Variants in HRNR observed in about 807,000 individuals in gnomAD.
The protein encoded by HRNR is hornerin.
Under a neutral mutation model 4.8 loss-of-function variants are expected in HRNR, and 7 were observed. That is an observed-to-expected ratio of 1.47 (90% confidence interval 0.83 to 2.75). The LOEUF (loss-of-function observed/expected upper bound fraction) is 2.75. HRNR is among the 30% of genes most tolerant of loss of function. The pLI, the probability that HRNR is intolerant of heterozygous loss-of-function variation, is 0.00. For synonymous variants in HRNR, 1,023 were observed against 1,242.7 expected, an observed-to-expected ratio of 0.82 and a Z score of 3.72; for missense variants, 2,879 against 3,010.4, an observed-to-expected ratio of 0.96 and a Z score of 1.02.
At position 152,219,016 on chromosome 1, in the gene HRNR, C is replaced by G. The variant is rs866858982; in HGVS notation, c.2613G>C (p.Glu871Asp). The G allele has an allele frequency of 1.2e-5, 20 of 1,613,786 alleles. No individual in the cohort carries two copies. Among genetic ancestry groups the G allele is most frequent in the Admixed American group, 1.7e-5 (1 of 59,986 alleles). ...GGCCCGAAGCGTGATGGGAGGCAGA[C>G]TCATGCTGACCATAGCTGGAAGATT... ...SGQSSSYGQH[E>D]SASHHASGRG... The change falls in exon 3 of 3, where the codon GAG becomes GAC. Residue 871 changes from glutamate to aspartate, a missense_variant. Physicochemically the swap from Glu to Asp is conservative, Grantham distance 45. Around this residue, in one of 8 missense-constraint regions of HRNR, gnomAD observed 2,646 missense variants for 1,377.7 expected, o/e 1.92. Transcript: ENST00000368801.
Position 152,218,968 on chromosome 1 carries a change from A to G in HRNR, c.2661T>C (p.Ser887=). 6.2e-7 allele frequency: 1 copy of G among 1,608,562 alleles called. No homozygotes were observed. The highest frequency in any genetic ancestry group is 1.2e-5 in the South Asian group (1 of 86,068). The change falls in exon 3 of 3, where the codon TCT becomes TCC. Residue 887 remains serine, a synonymous_variant. Coordinates refer to ENST00000368801, the MANE Select transcript of HRNR (RefSeq NM_001009931.3). ...ASGRGRHGSG[S]GQSPGHGQRG... Reference sequence around the variant, plus strand: ...GCTGGCCGTGGCCTGGAGACTGGCCAGATCCAGAGCCATGTCGGCCGCGGC... The same window carrying G: ...GCTGGCCGTGGCCTGGAGACTGGCCGGATCCAGAGCCATGTCGGCCGCGGC...
Position 152,220,261 on chromosome 1 carries a change from C to T in HRNR, c.1368G>A (p.Val456=). The change falls in exon 3 of 3, where the codon GTG becomes GTA. Residue 456 remains valine (V), a synonymous_variant. Coordinates refer to ENST00000368801, the MANE Select transcript of HRNR (RefSeq NM_001009931.3). The stretch of plus-strand genomic sequence containing the variant: ...AGCCAGAAGAGTAGCCTGAACCAGA[C>T]ACATATGGGCCACTGCTGGAAGATC... ...FGRSSSSGPY[V]SGSGYSSGFG... is the part of the protein sequence containing the mutation. The T allele has an allele frequency of 6.2e-7, 1 of 1,613,926 alleles. No homozygotes were observed. Among genetic ancestry groups the T allele is most frequent in the Non-Finnish European group, 8.5e-7 (1 of 1,179,958 alleles).
intron 1 of HRNR, 78 bp downstream of exon 1, chr1:152,224,065 T>C (rs1464209183): frequency 6.6e-6 from 1 of 152,180 alleles, no homozygotes; most frequent in African/African-American, 2.4e-5. Context: ...CTAGTGCCTC[T>C]TTGCCTTAGA....
chr1:152,222,245 T>C (rs1649025758), intron 2 of HRNR, among the ~76,000 whole-genome samples: 1 of 152,130 alleles, frequency 6.6e-6, no homozygotes, highest in African/African-American at 2.4e-5. Flanking sequence ...GATTGCTAGA[T>C]TTAGAGTTTG....
In HRNR at chr1:152,219,808, G is replaced by A. The variant is rs776175175; in HGVS notation, c.1821C>T (p.Ser607=). 10 of 1,612,044 alleles carry A rather than the reference G, an allele frequency of 6.2e-6. No homozygotes were observed. The highest frequency in any genetic ancestry group is 2.2e-5 in the East Asian group (1 of 44,718). ...YGQHGSSSGH[S]STHGQHGSTS... ...TAGAACCATGTTGCCCATGGGTAGA[G>A]GAATGACCCGAGCTAGATCCGTGTT... The change falls in exon 3 of 3, where the codon TCC becomes TCT. Residue 607 remains serine (S), a synonymous_variant. Transcript: ENST00000368801.
rs748709052 is a variant in HRNR at position 152,219,555 on chromosome 1, C to T, written c.2074G>A (p.Gly692Arg). 3 of 1,613,724 alleles carry T rather than the reference C, an allele frequency of 1.9e-6. No individual in the cohort carries two copies. Among genetic ancestry groups the T allele is most frequent in the Admixed American group, 3.3e-5 (2 of 59,978 alleles). Residue 692 changes from glycine (G) to arginine (R), a missense_variant, in exon 3 of 3, where the codon GGG becomes AGG. This residue lies in a region of HRNR where 2,646 missense variants were observed against 1,377.7 expected (regional missense o/e 1.92). Coordinates refer to ENST00000368801, the MANE Select transcript of HRNR (RefSeq NM_001009931.3). Reference sequence around the variant, plus strand: ...CCGGAAGACTGGCCTGAGACAGACCCATGTGGGCCATTGCTTGAAGACCAA... The same window carrying T: ...CCGGAAGACTGGCCTGAGACAGACCTATGTGGGCCATTGCTTGAAGACCAA... ...SGWSSSNGPH[G>R]SVSGQSSGFG...
rs371336025 is a variant in HRNR at position 152,218,519 on chromosome 1, C to T, written c.3110G>A (p.Arg1037His). Reference protein sequence around the residue: ...YRSGSGWSSSRGPYESGSGHS... With the variant: ...YRSGSGWSSSHGPYESGSGHS... ...ACCGGAGCCAGACTCATATGGGCCACGGCTTGAAGACCACCCTGAGCCAGA... is the reference window on the plus strand; with the variant it reads ...ACCGGAGCCAGACTCATATGGGCCATGGCTTGAAGACCACCCTGAGCCAGA... Residue 1037 changes from arginine (R) to histidine (H), a missense_variant, in exon 3 of 3, where the codon CGT (arginine) becomes CAT (histidine). Around this residue, in one of 8 missense-constraint regions of HRNR, gnomAD observed 2,646 missense variants for 1,377.7 expected, o/e 1.92. Coordinates refer to ENST00000368801, the MANE Select transcript of HRNR (RefSeq NM_001009931.3). The T allele has an allele frequency of 9.7e-5, 157 of 1,613,438 alleles. 1 individual carries two copies. The highest frequency in any genetic ancestry group is 3.3e-4 in the Middle Eastern group (2 of 6,084).
rs764568797 is a variant in HRNR, at chr1:152,223,067, A to T, written c.138+49T>A. 1.9e-6 allele frequency: 3 copies of T among 1,584,924 alleles called. No homozygotes were observed. The South Asian group carries it at 3.4e-5, about 18-fold the overall frequency. On this transcript the variant is annotated intron_variant, in intron 2 of 2. Coordinates refer to ENST00000368801, the MANE Select transcript of HRNR (RefSeq NM_001009931.3). ...ATATGTGACAAGAAGGTGGAAAGGGATAAAGAAGAAAATTCCTGCATAACT... is the reference window on the plus strand; with the variant it reads ...ATATGTGACAAGAAGGTGGAAAGGGTTAAAGAAGAAAATTCCTGCATAACT...
rs1648881787 is a variant in HRNR, at chr1:152,219,914, C to T, written c.1715G>A (p.Gly572Asp). 2 of 1,613,358 alleles carry T rather than the reference C, an allele frequency of 1.2e-6. No individual in the cohort carries two copies. Among genetic ancestry groups the T allele is most frequent in the Non-Finnish European group, 1.7e-6 (2 of 1,179,620 alleles). Residue 572 changes from glycine (G) to aspartate (D), a missense_variant, in exon 3 of 3, where the codon GGC becomes GAC. Gly to Asp is a moderately conservative substitution (Grantham distance 94). Transcript: ENST00000368801. ...GTGACCGGAGCCAGACTCATATGGG[C>T]CACGGCTTGAAGACCTCCCTGAGCC... is the stretch of plus-strand genomic sequence containing the variant. ...GYGSGRSSSR[G>D]PYESGSGHSS... is the part of the protein sequence containing the mutation.
chr1:152,212,862 T>C lies in HRNR; in HGVS notation c.*214A>G. Reference sequence around the variant, plus strand: ...ACAAGTTATTCCACTCAGTATTTTCTAACAAAGTAGCACAAATGCCTAACA... The same window carrying C: ...ACAAGTTATTCCACTCAGTATTTTCCAACAAAGTAGCACAAATGCCTAACA... On this transcript the variant is annotated 3_prime_UTR_variant, in exon 3 of 3. Transcript: ENST00000368801. The C allele has an allele frequency of 3.1e-6, 2 of 642,416 alleles. No homozygotes were observed. The highest frequency in any genetic ancestry group is 5.2e-6 in the Non-Finnish European group (2 of 382,808). The allele number at this position is 642,416 out of a possible 1,614,324, so 39.8% of individuals were successfully genotyped here.
chr1:152,223,144 A>C lies in HRNR; in HGVS notation c.110T>G (p.Leu37Arg), dbSNP rs143530319. The stretch of plus-strand genomic sequence containing the variant: ...CAGAATTTGATGAAACTCATTTTCC[A>C]GAAGTTCTTTCAGCTCTGCCTTGTT... Reference protein sequence around the residue: ...TLNKAELKELLENEFHQILKN... With the variant: ...TLNKAELKELRENEFHQILKN... The change falls in exon 2 of 3, where the codon CTG becomes CGG. Residue 37 changes from leucine to arginine, a missense_variant. Physicochemically the swap from Leu to Arg is moderately radical, Grantham distance 102 (BLOSUM62 -2). Transcript: ENST00000368801. 6.2e-7 allele frequency: 1 copy of C among 1,613,654 alleles called. No homozygotes were observed. The highest frequency in any genetic ancestry group is 1.3e-5 in the African/African-American group (1 of 74,910).
Position 152,218,559 on chromosome 1 carries a change from A to C in HRNR, c.3070T>G (p.Tyr1024Asp), listed in dbSNP as rs539702120. ...HGSGSGQSSS[Y>D]GPYRSGSGWS... ...CCTGAGCCAGACCTATATGGGCCAT[A>C]GCTGGAAGACTGCCCGGAACCAGAC... The change falls in exon 3 of 3, where the codon TAT (tyrosine) becomes GAT (aspartate). Residue 1024 changes from tyrosine to aspartate, a missense_variant. By Grantham distance (160) the Tyr-to-Asp change is radical. Transcript: ENST00000368801. 5.0e-6 allele frequency: 8 copies of C among 1,612,752 alleles called. No homozygotes were observed. The highest frequency in any genetic ancestry group is 1.1e-5 in the South Asian group (1 of 90,982).
chr1:152,220,047 A>C lies in HRNR; in HGVS notation c.1582T>G (p.Leu528Val), dbSNP rs1460896849. 6.2e-7 allele frequency: 1 copy of C among 1,613,808 alleles called. No homozygotes were observed. The highest frequency in any genetic ancestry group is 1.3e-5 in the African/African-American group (1 of 74,844). Residue 528 changes from leucine (L) to valine (V), a missense_variant, in exon 3 of 3, where the codon TTG (leucine) becomes GTG (valine). By Grantham distance (32) the Leu-to-Val change is conservative. Coordinates refer to ENST00000368801, the MANE Select transcript of HRNR (RefSeq NM_001009931.3). The part of the protein sequence containing the change: ...GQHGSGSRQS[L>V]GHSRHGSGSG... ...CCAGACCCATGTCGGCTGTGTCCCAAAGATTGACGGGAGCCAGACCCATGC... is the reference window on the plus strand; with the variant it reads ...CCAGACCCATGTCGGCTGTGTCCCACAGATTGACGGGAGCCAGACCCATGC...
chr1:152,219,825 A>G lies in HRNR; in HGVS notation c.1804T>C (p.Ser602Pro). ...GQSSGYGQHG[S>P]SSGHSSTHGQ... Reference sequence around the variant, plus strand: ...TGGGTAGAGGAATGACCCGAGCTAGATCCGTGTTGACCGTAGCCAGAGGAC... The same window carrying G: ...TGGGTAGAGGAATGACCCGAGCTAGGTCCGTGTTGACCGTAGCCAGAGGAC... The change falls in exon 3 of 3, where the codon TCT becomes CCT. Residue 602 changes from serine (S) to proline (P), a missense_variant. Ser to Pro is a moderately conservative substitution (Grantham distance 74). This residue lies in a region of HRNR where 2,646 missense variants were observed against 1,377.7 expected (regional missense o/e 1.92). Coordinates refer to ENST00000368801, the MANE Select transcript of HRNR (RefSeq NM_001009931.3). 6.2e-7 allele frequency: 1 copy of G among 1,612,028 alleles called. No homozygotes were observed. Among genetic ancestry groups the G allele is most frequent in the Non-Finnish European group, 8.5e-7 (1 of 1,178,718 alleles).
intron 1 of HRNR, 97 bp downstream of exon 1, chr1:152,224,046 G>A (rs1649088758): frequency 6.6e-6 from 1 of 152,108 alleles, no homozygotes; most frequent in African/African-American, 2.4e-5. Context: ...CTAAAAAGAA[G>A]CCTTGTATCT....
rs1285901970 is a variant in HRNR, at chr1:152,220,379, C to G, written c.1250G>C (p.Ser417Thr). The change falls in exon 3 of 3, where the codon AGC becomes ACC. Residue 417 changes from serine to threonine, a missense_variant. Ser to Thr is a moderately conservative substitution (Grantham distance 58, BLOSUM62 1). This residue lies in a region of HRNR where 2,646 missense variants were observed against 1,377.7 expected (regional missense o/e 1.92). Coordinates refer to ENST00000368801, the MANE Select transcript of HRNR (RefSeq NM_001009931.3). ...GCCTGGAGACTGGCCAGATCCAGAG[C>G]TGTGTTGGCCGCGGCCTGAAGAGTG... Reference protein sequence around the residue: ...SRHSSGRGQHSSGSGQSPGHG... With the variant: ...SRHSSGRGQHTSGSGQSPGHG... 3 of 1,613,714 alleles carry G rather than the reference C, an allele frequency of 1.9e-6. No individual in the cohort carries two copies. The highest frequency in any genetic ancestry group is 1.7e-5 in the Admixed American group (1 of 59,988).
rs1648928151 is a variant in HRNR, at chr1:152,220,421, T to C, written c.1208A>G (p.His403Arg). Residue 403 changes from histidine (H) to arginine (R), a missense_variant, in exon 3 of 3, where the codon CAT (histidine) becomes CGT (arginine). Transcript: ENST00000368801. ...SSRQSSSYGQ[H>R]ESASRHSSGR... ...TGAAGAGTGACGGGAGGCAGACTCA[T>C]GCTGACCATAGCTGGAAGACTGACG... is the stretch of plus-strand genomic sequence containing the variant. 1 of 1,614,118 alleles carries C rather than the reference T, an allele frequency of 6.2e-7. No individual in the cohort carries two copies. Among genetic ancestry groups the C allele is most frequent in the Non-Finnish European group, 8.5e-7 (1 of 1,180,008 alleles).
At position 152,219,295 on chromosome 1, in the gene HRNR, A is replaced by T. The variant is rs779456654; in HGVS notation, c.2334T>A (p.Arg778=). 2 of 1,606,250 alleles carry T rather than the reference A, an allele frequency of 1.2e-6. No individual in the cohort carries two copies. The highest frequency in any genetic ancestry group is 4.5e-5 in the East Asian group (2 of 44,322). Residue 778 remains arginine (R), a synonymous_variant, in exon 3 of 3, where the codon CGT becomes CGA. Coordinates refer to ENST00000368801, the MANE Select transcript of HRNR (RefSeq NM_001009931.3). ...GCCCTGAACTGGACCCATGTCGGAC[A>T]CGGCTAGGAGAGTGGCCAGATCCAG... is the stretch of plus-strand genomic sequence containing the variant. ...QGSGSGHSPS[R]VRHGSSSGHS...
rs1263610527 is a variant in HRNR, at chr1:152,218,926, C to T, written c.2703G>A (p.Gly901=). Residue 901 remains glycine (G), a synonymous_variant, in exon 3 of 3, where the codon GGG becomes GGA. Transcript: ENST00000368801. ...PGHGQRGSGS[G]QSPSYGRHGS... ...CATGTCGGCCATAGCTGGGAGACTG[C>T]CCTGACCCAGACCCACGCTGGCCGT... 3.7e-6 allele frequency: 6 copies of T among 1,613,322 alleles called. No homozygotes were observed. Among genetic ancestry groups the T allele is most frequent in the Admixed American group, 1.7e-5 (1 of 59,986 alleles).
Sources: gnomAD v4.1 joint callset for allele counts (sites outside exome capture counted in the v4.1 genomes callset) on GRCh38, gnomAD v4.1.1 for gene constraint, gnomAD v4.1.1 regional missense constraint, MANE v1.5 for transcripts, NCBI Gene and HGNC (gene_info 2026-07-23, HGNC 2026-07-21) for gene names.